Variants in SSBP3 observed in about 807,000 individuals in gnomAD.
SSBP3 encodes single-stranded DNA-binding protein 3.
A neutral mutation model predicts 69.6 loss-of-function variants in SSBP3; 5 were observed. That is an observed-to-expected ratio of 0.07 (90% CI 0.04 to 0.15). The LOEUF (loss-of-function observed/expected upper bound fraction) is 0.15. Ranked by LOEUF, SSBP3 falls within the 10% of genes least tolerant of loss-of-function variation. The pLI, the probability that SSBP3 is intolerant of heterozygous loss-of-function variation, is 1.00. For missense variants in SSBP3, 312 were observed against 534.0 expected (o/e 0.58, Z 4.10); for synonymous variants, 196 against 193.4 (o/e 1.01, Z -0.11).
At chr1:54,391,833 T>TAA (rs1234107589) in intron 4 of SSBP3, among the ~76,000 whole-genome samples, 1 of 152,092 alleles carries the variant, frequency 6.6e-6, no homozygotes, top group Non-Finnish European at 1.5e-5. Flanking sequence ...TGCCACTGCC[T>TAA]AAGCCCTGTT....
intron 4 of SSBP3, among the ~76,000 whole-genome samples, chr1:54,376,630 T>C (rs1647247411): frequency 6.6e-6 from 1 of 152,118 alleles, no homozygotes; most frequent in South Asian, 2.1e-4. Context: ...GGAGGGGGGC[T>C]TTCACCCTCC....
chr1:54,376,497 C>A (rs562693850), intron 4 of SSBP3, among the ~76,000 whole-genome samples: 2 of 152,314 alleles, frequency 1.3e-5, no homozygotes, highest in South Asian at 2.1e-4. Context: ...TTTGCTAATT[C>A]TCTCAATGAA....
At chr1:54,337,261 C>T (rs964629484) in intron 4 of SSBP3, among the ~76,000 whole-genome samples, 1 of 152,152 alleles carries the variant, frequency 6.6e-6, no homozygotes, top group Non-Finnish European at 1.5e-5. Flanking sequence ...CCATCCCAGC[C>T]TCACACACAC....
rs1405698580 is a variant in SSBP3, at chr1:54,308,562, C to G, written c.277-27035G>C. On this transcript the variant is annotated intron_variant, in intron 4 of 17. Transcript: ENST00000610401. Reference sequence around the variant, plus strand: ...CTTGCAGTGAGCCAAGATTGCGCCACTGCACTCCAGCCTGGCCGACAGAGC... The same window carrying G: ...CTTGCAGTGAGCCAAGATTGCGCCAGTGCACTCCAGCCTGGCCGACAGAGC... Among the ~76,000 whole-genome samples the G allele has an allele frequency of 2.7e-5, 4 of 145,564 alleles. No homozygotes were observed. The East Asian group carries it at 8.2e-4, about 30-fold the overall frequency.
chr1:54,401,519 C>T (rs1649299347), intron 4 of SSBP3, among the ~76,000 whole-genome samples: 1 of 152,210 alleles, frequency 6.6e-6, no homozygotes, highest in Non-Finnish European at 1.5e-5. Context: ...ACAATTTCTT[C>T]TTAAACCAAC....
chr1:54,264,573 C>G (rs926185586), intron 5 of SSBP3, among the ~76,000 whole-genome samples: 1 of 152,154 alleles, frequency 6.6e-6, no homozygotes, highest in African/African-American at 2.4e-5. Context: ...GGCACTGGTC[C>G]CAAAACCCAA....
Position 54,289,035 on chromosome 1 carries a change from AAC to A in SSBP3, c.277-7510_277-7509del, listed in dbSNP as rs1301856279. Among the ~76,000 whole-genome samples, 33 of 52,006 alleles carry A rather than the reference AAC, an allele frequency of 6.3e-4. 1 individual carries two copies. Among genetic ancestry groups the A allele is most frequent in the African/African-American group, 3.9e-3 (28 of 7,240 alleles). 34.1% of individuals were successfully genotyped at this position (52,006 alleles called of 152,430 possible). On this transcript the variant is annotated intron_variant, in intron 4 of 17. Transcript: ENST00000610401. ...ACTCTGTCTCCAAAAAAAAAAAAAA[AAC>A]AAAAAAACAAAAAAAAAAAACAGTA...
chr1:54,261,117 G>A (rs901460857), intron 5 of SSBP3, among the ~76,000 whole-genome samples: 2 of 152,220 alleles, frequency 1.3e-5, no homozygotes, highest in African/African-American at 4.8e-5. Flanking sequence ...CGTTCCCTGT[G>A]TCTAGGCTGT....
At chr1:54,356,515 C>T (rs1290661346) in intron 4 of SSBP3, 1 of 152,254 alleles carries the variant, frequency 6.6e-6, no homozygotes, top group Non-Finnish European at 1.5e-5. Context: ...TGCCCTTGTG[C>T]TACAGAACAG....
At chr1:54,397,192 G>T (rs1020016593) in intron 4 of SSBP3, among the ~76,000 whole-genome samples, 1 of 152,218 alleles carries the variant, frequency 6.6e-6, no homozygotes, top group African/African-American at 2.4e-5. Flanking sequence ...GCTTATCACA[G>T]GGCAGCACAC....
At position 54,380,956 on chromosome 1, in the gene SSBP3, C is replaced by CA. The variant is rs534633481; in HGVS notation, c.276+20904dup. ...GAAAAACACAGCAAGACCCCCTCTA[C>CA]AAAAAAAAAAAATCTGACAATTAGC... On this transcript the variant is annotated intron_variant, in intron 4 of 17. Transcript: ENST00000610401. Among the ~76,000 whole-genome samples, 612 of 140,010 alleles carry CA rather than the reference C, an allele frequency of 4.4e-3. 9 individuals are homozygous for CA. In the South Asian group the frequency reaches 0.051, roughly 12 times the overall value. 91.9% of individuals were successfully genotyped at this position (140,010 alleles called of 152,430 possible). A position where few individuals can be genotyped will look rare whatever the true frequency, so the allele number is the denominator to read the frequency against.
chr1:54,274,647 G>C (rs72910061), intron 5 of SSBP3, among the ~76,000 whole-genome samples: 19 of 152,080 alleles, frequency 1.2e-4, no homozygotes, highest in Non-Finnish European at 2.6e-4. Context: ...TCACCCAGCC[G>C]CCACTCCTGC....
At chr1:54,322,377 T>G (rs17393123) in intron 4 of SSBP3, among the ~76,000 whole-genome samples, 2,961 of 152,146 alleles carry the variant, frequency 0.019, 56 homozygotes, top group Non-Finnish European at 0.033. Context: ...CCATGGCCAA[T>G]AGCCACCAGC....
chr1:54,389,112 T>C (rs1186432945), intron 4 of SSBP3, among the ~76,000 whole-genome samples: 1 of 152,330 alleles, frequency 6.6e-6, no homozygotes, highest in East Asian at 1.9e-4. Context: ...TAGAATTCTG[T>C]TCTACCAACC....
At chr1:54,257,302 T>C (rs1644938919) in intron 6 of SSBP3, 116 bp from the exon 7 acceptor site, 3 of 884,068 alleles carry the variant, frequency 3.4e-6, no homozygotes, top group Non-Finnish European at 5.0e-6. Context: ...TTTTAAGTTC[T>C]TTCTCCTGCT....
At chr1:54,406,719 G>A (rs1649802462), upstream of SSBP3, among the ~76,000 whole-genome samples, 1 of 151,948 alleles carries the variant, frequency 6.6e-6, no homozygotes, top group Non-Finnish European at 1.5e-5. Context: ...CGCGCTCCCC[G>A]CGGCGTGGAC....
intron 4 of SSBP3, among the ~76,000 whole-genome samples, chr1:54,323,825 T>C (rs990042971): frequency 1.3e-5 from 2 of 152,082 alleles, no homozygotes; most frequent in African/African-American, 4.8e-5. Flanking sequence ...TAGAGGGAGA[T>C]AGGAACTAGC....
chr1:54,399,048 A>G (rs1649100174), intron 4 of SSBP3, among the ~76,000 whole-genome samples: 1 of 152,240 alleles, frequency 6.6e-6, no homozygotes, highest in Non-Finnish European at 1.5e-5. Context: ...TTATGTCTCT[A>G]AAAGAACACC....
chr1:54,396,105 T>A (rs915465526), intron 4 of SSBP3, among the ~76,000 whole-genome samples: 3 of 143,088 alleles, frequency 2.1e-5, no homozygotes, highest in African/African-American at 8.0e-5. Flanking sequence ...GGCAGGAGAA[T>A]CACTTGAACC....
Sources: allele counts gnomAD v4.1 joint callset (sites outside exome capture counted in the v4.1 genomes callset), GRCh38; gene constraint gnomAD v4.1.1; transcripts MANE v1.5; gene names NCBI Gene and HGNC (gene_info 2026-07-23, HGNC 2026-07-21).